Variants in GSN observed in about 807,000 individuals in gnomAD.
The protein encoded by GSN is gelsolin.
In GSN, 56 loss-of-function variants were observed where a neutral mutation model predicts 85.7. That is an observed-to-expected ratio of 0.65 (90% CI 0.53 to 0.82). The LOEUF is 0.82. Among genes scored for constraint, GSN ranks in the 40% least tolerant of loss-of-function variants. The probability of loss-of-function intolerance (pLI) is 0.00; values close to 1 mark genes in which losing one functional copy is unlikely to be tolerated. For synonymous variants in GSN, 373 were observed against 399.1 expected, an observed-to-expected ratio of 0.93 and a Z score of 0.78; for missense variants, 857 against 979.8, an observed-to-expected ratio of 0.87 and a Z score of 1.67.
At chr9:121,310,973 C>T (rs886982832) in intron 5 of GSN, 128 bp downstream of exon 5, 18 of 806,828 alleles carry the variant, frequency 2.2e-5, no homozygotes, top group South Asian at 2.9e-5. Flanking sequence ...GCATTGTTCA[C>T]GTACAGATAT....
intron 2 of GSN, chr9:121,281,973 A>G (rs1298093638): frequency 2.1e-6 from 1 of 472,300 alleles, no homozygotes; most frequent in Non-Finnish European, 4.4e-6. Context: ...ATGGGGGTCC[A>G]TTTGCCAAGT....
At chr9:121,206,467 A>G (rs1399925190), upstream of GSN, among the ~76,000 whole-genome samples, 1 of 152,236 alleles carries the variant, frequency 6.6e-6, no homozygotes, top group Non-Finnish European at 1.5e-5. Flanking sequence ...TACATTCTGT[A>G]TTCAATTGTA....
chr9:121,324,438 CTCTA>C (rs149099891), intron 11 of GSN, 112 bp from the exon 12 acceptor site: 16,983 of 694,682 alleles, frequency 0.024, 308 homozygotes, highest in South Asian at 0.044. Flanking sequence ...CCCCTTCCCT[CTCTA>C]TCTGTTTCAT....
intron 2 of GSN, chr9:121,283,671 GTTCATTCATTCATTCATTCA>G (rs10566145): frequency 1.6e-5 from 2 of 128,556 alleles, no homozygotes; most frequent in African/African-American, 5.1e-5. Flanking sequence ...ATGTATATAG[GTTCATTCATTCATTCATTCA>G]TTCATTCATT....
At chr9:121,266,753 G>T (rs567965442), upstream of GSN, among the ~76,000 whole-genome samples, 176 of 152,334 alleles carry the variant, frequency 1.2e-3, no homozygotes, top group African/African-American at 3.8e-3. Flanking sequence ...AGGCCAGGTA[G>T]GGAGGTGAGA....
intron 5 of GSN, chr9:121,239,926 A>G (rs1007098273): frequency 6.2e-6 from 1 of 162,566 alleles, no homozygotes; most frequent in African/African-American, 2.4e-5. Flanking sequence ...CTAGTAGACC[A>G]TGGACTCTTG....
Position 121,307,183 on chromosome 9 carries a change from A to T in GSN, c.352-3501A>T, listed in dbSNP as rs147399500. On this transcript the variant is annotated intron_variant, in intron 4 of 17. Coordinates refer to ENST00000432226, the MANE Select transcript of GSN (RefSeq NM_198252.3). ...GCGATGGAACGAGACTCTGTCTCAA[A>T]AAAAAAAGAATTATTTTATAAATAA... Among the ~76,000 whole-genome samples the T allele has an allele frequency of 2.0e-5, 3 of 152,314 alleles. No homozygotes were observed. The East Asian group carries it at 5.8e-4, about 29-fold the overall frequency.
chr9:121,303,151 G>T lies in GSN; in HGVS notation c.351+86G>T, dbSNP rs2060072419. On this transcript the variant is annotated intron_variant, in intron 4 of 17. Coordinates refer to ENST00000432226, the MANE Select transcript of GSN (RefSeq NM_198252.3). The stretch of plus-strand genomic sequence containing the variant: ...TCAGGCCCATCTATCTTTTGGCCTT[G>T]TGATGCAGTGGGCAGACCGATCAGA... 7 of 1,308,548 alleles carry T rather than the reference G, an allele frequency of 5.3e-6. No homozygotes were observed. In the South Asian group the frequency reaches 8.3e-5, roughly 15 times the overall value. The allele number at this position is 1,308,548 out of a possible 1,614,324, so 81.1% of individuals were successfully genotyped here.
chr9:121,262,293 A>G (rs1203108002), intron 6 of GSN, among the ~76,000 whole-genome samples: 1 of 152,248 alleles, frequency 6.6e-6, no homozygotes, highest in Non-Finnish European at 1.5e-5. Flanking sequence ...TTCAAATCCC[A>G]GCTCTACCAC....
intron 5 of GSN, among the ~76,000 whole-genome samples, chr9:121,233,190 G>A (rs950086529): frequency 1.3e-5 from 2 of 152,188 alleles, no homozygotes; most frequent in African/African-American, 2.4e-5. Context: ...GGCAAGCCAG[G>A]CGCGGTGGCT....
intron 5 of GSN, among the ~76,000 whole-genome samples, chr9:121,236,968 A>G (rs899570721): frequency 2.0e-5 from 3 of 152,248 alleles, no homozygotes; most frequent in Non-Finnish European, 4.4e-5. Context: ...TTCACATGTC[A>G]GAATGTAGAA....
intron 11 of GSN, 25 bp downstream of exon 11, chr9:121,321,426 G>A: frequency 1.2e-6 from 2 of 1,609,780 alleles, no homozygotes; most frequent in Non-Finnish European, 1.7e-6. Flanking sequence ...CCATTGGTGT[G>A]TGTCGTGGGG....
At chr9:121,250,141 C>T (rs979174364) in intron 6 of GSN, among the ~76,000 whole-genome samples, 1 of 152,072 alleles carries the variant, frequency 6.6e-6, no homozygotes, top group Non-Finnish European at 1.5e-5. Flanking sequence ...ACTCACACAC[C>T]AATGACTATA....
At chr9:121,322,641 T>C (rs1370161493) in intron 11 of GSN, among the ~76,000 whole-genome samples, 3 of 152,174 alleles carry the variant, frequency 2.0e-5, no homozygotes, top group African/African-American at 7.2e-5. Flanking sequence ...ATAGTGTTCG[T>C]AGCATTTTAC....
At chr9:121,313,040 G>A (rs2061348197) in intron 6 of GSN, 1 of 154,836 alleles carries the variant, frequency 6.5e-6, no homozygotes, top group African/African-American at 2.4e-5. Context: ...GGAACCCAAG[G>A]CTGTGCTGTG....
chr9:121,216,678 T>C (rs2132092722), intron 4 of GSN, among the ~76,000 whole-genome samples: 1 of 152,342 alleles, frequency 6.6e-6, no homozygotes. Flanking sequence ...CTCCCTGTTT[T>C]CTTGGTATTA....
intron 6 of GSN, chr9:121,313,709 G>A: frequency 1.7e-6 from 1 of 602,160 alleles, no homozygotes; most frequent in Non-Finnish European, 3.0e-6. Flanking sequence ...AGAGGAGCAG[G>A]AGTGTTCTCC....
intron 4 of GSN, among the ~76,000 whole-genome samples, chr9:121,224,741 G>GAAAAAAAAA (rs11374663): frequency 8.7e-6 from 1 of 114,372 alleles, no homozygotes; most frequent in Non-Finnish European, 1.8e-5. Flanking sequence ...TAGGCTACCT[G>GAAAAAAAAA]AAAAAAAAAA....
intron 6 of GSN, among the ~76,000 whole-genome samples, chr9:121,248,796 G>A (rs2054754479): frequency 8.0e-6 from 1 of 125,220 alleles, no homozygotes; most frequent in Non-Finnish European, 1.9e-5. Context: ...GGGGTGGGCA[G>A]GGGAGAAGCC....
Sources: allele counts gnomAD v4.1 joint callset (sites outside exome capture counted in the v4.1 genomes callset), GRCh38; gene constraint gnomAD v4.1.1; transcripts MANE v1.5; gene names NCBI Gene and HGNC (gene_info 2026-07-23, HGNC 2026-07-21).